PRKAR2A: variants seen among roughly 807,000 people sequenced by gnomAD.
PRKAR2A encodes protein kinase cAMP-dependent type II regulatory subunit alpha.
PRKAR2A carries 29 observed loss-of-function variants against 51.9 expected under a neutral mutation model. The ratio of observed to expected loss-of-function variants is 0.56; its 90% CI spans 0.42 to 0.76. PRKAR2A has a LOEUF of 0.76. PRKAR2A is among the 30% of genes least tolerant of loss of function. The pLI is 0.00. For synonymous variants in PRKAR2A, 178 were observed against 186.2 expected (o/e 0.96, Z 0.36); for missense variants, 445 against 512.1 (o/e 0.87, Z 1.26).
chr3:48,841,448 G>A (rs1443442927), intron 1 of PRKAR2A, among the ~76,000 whole-genome samples: 2 of 149,266 alleles, frequency 1.3e-5, no homozygotes, highest in African/African-American at 4.9e-5. Context: ...GGAAGGCTGA[G>A]GTGGGAGAAT....
At chr3:48,765,920 T>C (rs1410796521) in intron 6 of PRKAR2A, among the ~76,000 whole-genome samples, 1 of 152,032 alleles carries the variant, frequency 6.6e-6, no homozygotes, top group Non-Finnish European at 1.5e-5. Flanking sequence ...TAATATAAAA[T>C]ATCAAAATAT....
Position 48,772,968 on chromosome 3 carries a change from G to T in PRKAR2A, c.683C>A (p.Ser228Tyr). The T allele has an allele frequency of 1.2e-6, 2 of 1,612,246 alleles. No homozygotes were observed. Among genetic ancestry groups the T allele is most frequent in the Non-Finnish European group, 1.7e-6 (2 of 1,179,164 alleles). Residue 228 changes from serine to tyrosine, a missense_variant, in exon 6 of 11, where the codon TCC becomes TAC. By Grantham distance (144) the Ser-to-Tyr change is moderately radical. Transcript: ENST00000265563. The part of the protein sequence containing the change: ...AATIVATSEG[S>Y]LWGLDRVTFR... ...TCTCTCACTCACCAGTCCCCAAAGG[G>T]AGCCTTCTGAGGTAGCAACAATGGT...
downstream of PRKAR2A, among the ~76,000 whole-genome samples, chr3:48,745,174 CTTTTT>C (rs111854982): frequency 1.6e-5 from 2 of 128,124 alleles, no homozygotes; most frequent in African/African-American, 5.8e-5. Flanking sequence ...CGCACCCAGC[CTTTTT>C]TTTTTTTTTT....
rs1468391403 is a variant in PRKAR2A at position 48,794,479 on chromosome 3, G to A, written c.299-430C>T. Among the ~76,000 whole-genome samples, 11 of 152,034 alleles carry A rather than the reference G, an allele frequency of 7.2e-5. No individual in the cohort carries two copies. In the East Asian group the frequency reaches 2.1e-3, roughly 29 times the overall value. ...TGGGAGGCTGAGGCAGATGGATCAT[G>A]AGGTCAAGAGATCGAGACCATCCTG... On this transcript the variant is annotated intron_variant, in intron 2 of 10. Transcript: ENST00000265563.
intron 1 of PRKAR2A, among the ~76,000 whole-genome samples, chr3:48,810,986 G>A (rs1249705978): frequency 1.3e-5 from 2 of 151,814 alleles, no homozygotes; most frequent in Admixed American, 1.3e-4. Flanking sequence ...AGACCAGCCC[G>A]CACAACATAG....
At chr3:48,783,869 C>A (rs1009889114) in intron 4 of PRKAR2A, among the ~76,000 whole-genome samples, 1 of 152,112 alleles carries the variant, frequency 6.6e-6, no homozygotes, top group African/African-American at 2.4e-5. Flanking sequence ...ACGTGAGCCA[C>A]CACGTCCGGT....
chr3:48,779,372 G>T (rs150494873), intron 5 of PRKAR2A, among the ~76,000 whole-genome samples: 1 of 152,102 alleles, frequency 6.6e-6, no homozygotes, highest in Non-Finnish European at 1.5e-5. Context: ...ATGTACAGGT[G>T]GATGCTTATT....
intron 9 of PRKAR2A, among the ~76,000 whole-genome samples, chr3:48,753,089 C>T (rs922238175): frequency 2.0e-5 from 3 of 151,428 alleles, no homozygotes; most frequent in African/African-American, 4.8e-5. Context: ...CCCGCCACCA[C>T]GCCTGGCTAA....
intron 1 of PRKAR2A, among the ~76,000 whole-genome samples, chr3:48,814,210 T>C (rs898088015): frequency 1.3e-5 from 2 of 151,730 alleles, no homozygotes; most frequent in Non-Finnish European, 2.9e-5. Flanking sequence ...ATAGTGCCAC[T>C]GCACTCCAGT....
intron 1 of PRKAR2A, among the ~76,000 whole-genome samples, chr3:48,836,466 A>C (rs2083288678): frequency 1.1e-5 from 1 of 93,998 alleles, no homozygotes; most frequent in East Asian, 4.1e-4. Context: ...CTTTTTTAAT[A>C]TATATATATT....
intron 2 of PRKAR2A, among the ~76,000 whole-genome samples, chr3:48,799,452 A>G (rs1161823268): frequency 6.6e-6 from 1 of 152,140 alleles, no homozygotes; most frequent in African/African-American, 2.4e-5. Flanking sequence ...TAGGACTTCA[A>G]TATATGAATT....
chr3:48,807,416 A>C (rs1269201195), intron 2 of PRKAR2A, among the ~76,000 whole-genome samples: 1 of 152,214 alleles, frequency 6.6e-6, no homozygotes. Flanking sequence ...AAACATGAAA[A>C]AACAGTAATG....
intron 1 of PRKAR2A, among the ~76,000 whole-genome samples, chr3:48,834,402 G>A (rs1477347233): frequency 6.6e-6 from 1 of 152,082 alleles, no homozygotes; most frequent in South Asian, 2.1e-4. Flanking sequence ...AGCTAAAATT[G>A]TACTTCATAA....
At chr3:48,775,215 G>C (rs2082087975) in intron 5 of PRKAR2A, among the ~76,000 whole-genome samples, 1 of 151,956 alleles carries the variant, frequency 6.6e-6, no homozygotes, top group Non-Finnish European at 1.5e-5. Flanking sequence ...AAGGTGGGTG[G>C]ATCACCTGAG....
intron 6 of PRKAR2A, among the ~76,000 whole-genome samples, chr3:48,771,891 C>T (rs561635921): frequency 3.3e-5 from 5 of 152,074 alleles, no homozygotes; most frequent in African/African-American, 1.2e-4. Context: ...TCTTCTATAT[C>T]CTAGCTGACA....
intron 1 of PRKAR2A, among the ~76,000 whole-genome samples, chr3:48,835,580 C>G (rs1225752910): frequency 6.8e-6 from 1 of 146,596 alleles, no homozygotes; most frequent in Non-Finnish European, 1.5e-5. Context: ...GCAGAACTTG[C>G]AGTGAGCGGA....
At chr3:48,817,325 C>CAATAAATA (rs10545720) in intron 1 of PRKAR2A, among the ~76,000 whole-genome samples, 11 of 139,064 alleles carry the variant, frequency 7.9e-5, no homozygotes, top group African/African-American at 1.4e-4. Context: ...GACTACGTCT[C>CAATAAATA]AATAAATAAA....
At chr3:48,794,225 C>T (rs1164387472) in intron 2 of PRKAR2A, among the ~76,000 whole-genome samples, 176 bp from the exon 3 acceptor site, 5 of 150,474 alleles carry the variant, frequency 3.3e-5, no homozygotes, top group Admixed American at 3.3e-4. Flanking sequence ...AATCTCGGCT[C>T]GCTGCAACCT....
chr3:48,805,077 A>C (rs979029332), intron 2 of PRKAR2A, among the ~76,000 whole-genome samples: 3 of 150,892 alleles, frequency 2.0e-5, no homozygotes, highest in African/African-American at 7.3e-5. Flanking sequence ...ATGCCCAGCT[A>C]TTTTTTTTTA....
Sources: gnomAD v4.1 joint callset for allele counts (sites outside exome capture counted in the v4.1 genomes callset) on GRCh38, gnomAD v4.1.1 for gene constraint, MANE v1.5 for transcripts, NCBI Gene and HGNC (gene_info 2026-07-23, HGNC 2026-07-21) for gene names.